STK33: variants seen among roughly 807,000 people sequenced by gnomAD.
STK33 encodes serine/threonine-protein kinase 33.
A neutral mutation model predicts 58.0 loss-of-function variants in STK33; 52 were observed. The observed-to-expected ratio is 0.90, with a 90% CI of 0.72 to 1.13. STK33 has a LOEUF of 1.13. STK33 is among the 50% of genes most tolerant of loss of function. STK33 has a pLI of 0.00. For synonymous variants in STK33, 215 were observed against 200.1 expected (o/e 1.07, Z -0.63); for missense variants, 630 against 604.2 (o/e 1.04, Z -0.45).
chr11:8,453,743 G>A (rs1025941377), intron 10 of STK33, among the ~76,000 whole-genome samples: 1 of 152,182 alleles, frequency 6.6e-6, no homozygotes, highest in Non-Finnish European at 1.5e-5. Flanking sequence ...GACAATGAAT[G>A]CAAAGTTTCC....
chr11:8,508,911 G>C (rs1046162550), intron 1 of STK33, among the ~76,000 whole-genome samples: 3 of 152,070 alleles, frequency 2.0e-5, no homozygotes, highest in Non-Finnish European at 1.5e-5. Context: ...GAGATCGAGA[G>C]TTCGAGACCA....
chr11:8,579,606 G>T (rs1391776574), intron 1 of STK33, among the ~76,000 whole-genome samples: 1 of 151,790 alleles, frequency 6.6e-6, no homozygotes, highest in Non-Finnish European at 1.5e-5. Flanking sequence ...GAAGAGAAGC[G>T]ACTTGCCAAA....
chr11:8,456,651 C>T (rs895863006), intron 9 of STK33, among the ~76,000 whole-genome samples: 8 of 151,816 alleles, frequency 5.3e-5, no homozygotes, highest in Admixed American at 6.6e-5. Context: ...AAACTAACCT[C>T]GAAGGAAAAA....
intron 14 of STK33, among the ~76,000 whole-genome samples, chr11:8,420,128 T>C (rs1941702505): frequency 6.6e-6 from 1 of 152,068 alleles, no homozygotes; most frequent in African/African-American, 2.4e-5. Context: ...CCTTTTACCT[T>C]TACATGACTA....
intron 1 of STK33, among the ~76,000 whole-genome samples, chr11:8,560,943 T>G (rs893467771): frequency 1.3e-5 from 2 of 152,164 alleles, no homozygotes; most frequent in African/African-American, 4.8e-5. Flanking sequence ...CTACTGACTC[T>G]CTCTCCACGA....
intron 4 of STK33, among the ~76,000 whole-genome samples, 169 bp downstream of exon 4, chr11:8,476,518 G>C (rs554614137): frequency 6.6e-6 from 1 of 152,026 alleles, no homozygotes; most frequent in Non-Finnish European, 1.5e-5. Flanking sequence ...AATATGCCAA[G>C]TATACTCCCT....
the STK33 span, among the ~76,000 whole-genome samples, chr11:8,362,418 A>G: frequency 6.6e-6 from 1 of 152,196 alleles, no homozygotes; most frequent in Admixed American, 6.5e-5. Flanking sequence ...ATGATGTCTA[A>G]TGCCCACACA....
rs569838071 is a variant in STK33 at position 8,489,490 on chromosome 11, C to G, written c.-465-8876G>C. Among the ~76,000 whole-genome samples the G allele has an allele frequency of 1.9e-4, 29 of 152,206 alleles. 1 individual carries two copies. The South Asian group carries it at 5.8e-3, about 30-fold the overall frequency. ...AAGTCGAAGAGCATGGCACTAGCACCTGGTGAATATCATCTCATGGTGGAA... is the reference window on the plus strand; with the variant it reads ...AAGTCGAAGAGCATGGCACTAGCACGTGGTGAATATCATCTCATGGTGGAA... On this transcript the variant is annotated intron_variant, in intron 1 of 15. Coordinates refer to ENST00000687296, the MANE Select transcript of STK33 (RefSeq NM_001352389.2).
chr11:8,544,873 G>A (rs1320818115), intron 1 of STK33, among the ~76,000 whole-genome samples: 1 of 152,162 alleles, frequency 6.6e-6, no homozygotes, highest in Non-Finnish European at 1.5e-5. Context: ...ATGTTTCTAT[G>A]AGAAATAAAT....
At chr11:8,403,143 A>AT (rs890889017) in intron 15 of STK33, among the ~76,000 whole-genome samples, 15 of 152,198 alleles carry the variant, frequency 9.9e-5, no homozygotes, top group Non-Finnish European at 4.4e-5. Context: ...TTGGGCATAT[A>AT]TTTACCAACC....
intron 1 of STK33, among the ~76,000 whole-genome samples, chr11:8,537,600 A>G (rs1955137601): frequency 6.6e-6 from 1 of 151,990 alleles, no homozygotes; most frequent in African/African-American, 2.4e-5. Context: ...ATTGTTTAGA[A>G]TAACATGAGA....
At chr11:8,421,745 C>G (rs1941953165) in intron 14 of STK33, among the ~76,000 whole-genome samples, 1 of 152,084 alleles carries the variant, frequency 6.6e-6, no homozygotes. Context: ...CAATGTTTTT[C>G]AATAAAATGT....
downstream of STK33, among the ~76,000 whole-genome samples, chr11:8,387,248 G>A (rs1436697910): frequency 1.3e-5 from 2 of 152,104 alleles, no homozygotes; most frequent in African/African-American, 2.4e-5. Flanking sequence ...TGAGTTGCTC[G>A]GCCTTTTGAA....
intron 14 of STK33, among the ~76,000 whole-genome samples, chr11:8,430,957 C>T: frequency 6.6e-6 from 1 of 150,926 alleles, no homozygotes; most frequent in East Asian, 1.9e-4. Flanking sequence ...ACCTCCACCT[C>T]CTGGGTTCAA....
chr11:8,419,598 G>C (rs555070060), intron 14 of STK33, among the ~76,000 whole-genome samples: 116 of 152,254 alleles, frequency 7.6e-4, no homozygotes, highest in African/African-American at 2.5e-3. Context: ...TTTTAAAATA[G>C]ATTTTTCTAG....
intron 15 of STK33, among the ~76,000 whole-genome samples, chr11:8,394,311 T>C (rs1848988186): frequency 6.6e-6 from 1 of 152,294 alleles, no homozygotes; most frequent in South Asian, 2.1e-4. Flanking sequence ...ATACACCCTA[T>C]CTTTAAAATT....
At chr11:8,523,773 G>A (rs1953765533) in intron 1 of STK33, among the ~76,000 whole-genome samples, 1 of 152,144 alleles carries the variant, frequency 6.6e-6, no homozygotes, top group African/African-American at 2.4e-5. Flanking sequence ...CCGCGTCTGG[G>A]AAGTGAGGAG....
intron 1 of STK33, among the ~76,000 whole-genome samples, chr11:8,529,991 T>G (rs938249877): frequency 1.4e-4 from 22 of 152,178 alleles, no homozygotes; most frequent in African/African-American, 4.8e-4. Context: ...CTGGATGTTT[T>G]TAAATGAACA....
chr11:8,348,536 A>G, the STK33 span, among the ~76,000 whole-genome samples: 4 of 152,242 alleles, frequency 2.6e-5, no homozygotes, highest in South Asian at 8.3e-4. Context: ...ACCTCCCATG[A>G]TACGTGGGGA....
Sources: allele counts gnomAD v4.1 joint callset (sites outside exome capture counted in the v4.1 genomes callset), GRCh38; gene constraint gnomAD v4.1.1; transcripts MANE v1.5; gene names NCBI Gene and HGNC (gene_info 2026-07-23, HGNC 2026-07-21).